SEMA3A: variants seen among roughly 807,000 people sequenced by gnomAD.
SEMA3A encodes semaphorin 3A, also known as semaphorin-3A.
In SEMA3A, 29 loss-of-function variants were observed where a neutral mutation model predicts 97.9. That is an observed-to-expected ratio of 0.30 (90% CI 0.22 to 0.40). The LOEUF (loss-of-function observed/expected upper bound fraction) is 0.40. Ranked by LOEUF, SEMA3A falls within the 10% of genes least tolerant of loss-of-function variation. SEMA3A has a pLI of 1.00. For missense variants in SEMA3A, 763 were observed against 951.3 expected, an observed-to-expected ratio of 0.80 and a Z score of 2.60; for synonymous variants, 321 against 323.7, an observed-to-expected ratio of 0.99 and a Z score of 0.09.
chr7:84,309,797 C>T (rs988189165), intron 2 of SEMA3A, among the ~76,000 whole-genome samples: 2 of 152,048 alleles, frequency 1.3e-5, no homozygotes, highest in Non-Finnish European at 2.9e-5. Flanking sequence ...TTTTCTAAAT[C>T]GACAGAGCAA....
chr7:84,488,673 G>A (rs1007722965), intron 1 of SEMA3A, among the ~76,000 whole-genome samples: 38 of 152,190 alleles, frequency 2.5e-4, no homozygotes, highest in African/African-American at 8.4e-4. Context: ...TGAAGGGTCA[G>A]CTCTTCCTCA....
intron 4 of SEMA3A, among the ~76,000 whole-genome samples, chr7:84,080,051 T>C (rs1035465776): frequency 2.1e-5 from 3 of 143,248 alleles, no homozygotes; most frequent in Non-Finnish European, 4.5e-5. Context: ...ATGTCCTTTG[T>C]AGGGACATGG....
At chr7:83,995,203 T>G (rs1198213879) in intron 12 of SEMA3A, among the ~76,000 whole-genome samples, 1 of 152,114 alleles carries the variant, frequency 6.6e-6, no homozygotes, top group Admixed American at 6.5e-5. Context: ...CCCACTGACC[T>G]GCACCCACTG....
intron 11 of SEMA3A, among the ~76,000 whole-genome samples, chr7:84,003,998 A>G (rs753738522): frequency 2.0e-5 from 3 of 152,128 alleles, no homozygotes; most frequent in Non-Finnish European, 2.9e-5. Flanking sequence ...CAATTTTGTT[A>G]TAAAACTTTA....
chr7:84,191,979 T>C (rs1798054772), intron 1 of SEMA3A, among the ~76,000 whole-genome samples: 1 of 151,926 alleles, frequency 6.6e-6, no homozygotes, highest in African/African-American at 2.4e-5. Context: ...TCAAGTCTCT[T>C]TCATCTCCTA....
Position 84,030,707 on chromosome 7 carries a change from C to A in SEMA3A, c.667+15617G>T, listed in dbSNP as rs575995639. On this transcript the variant is annotated intron_variant, in intron 6 of 16. Coordinates refer to ENST00000265362, the MANE Select transcript of SEMA3A (RefSeq NM_006080.3). ...AATAACAGATTCCTTGAATTAATAA[C>A]GTATTTTTATCCATTAAGAACTTTA... Among the ~76,000 whole-genome samples, 3 of 152,182 alleles carry A rather than the reference C, an allele frequency of 2.0e-5. No individual in the cohort carries two copies. In the East Asian group the frequency reaches 5.8e-4, roughly 29 times the overall value.
At chr7:84,386,241 C>T (rs912699920) in intron 1 of SEMA3A, among the ~76,000 whole-genome samples, 5 of 152,148 alleles carry the variant, frequency 3.3e-5, no homozygotes, top group African/African-American at 4.8e-5. Context: ...TCTCAGTGCT[C>T]AATGCAACAA....
chr7:84,375,358 G>A (rs1366998470), intron 1 of SEMA3A, among the ~76,000 whole-genome samples: 1 of 152,008 alleles, frequency 6.6e-6, no homozygotes, highest in Non-Finnish European at 1.5e-5. Flanking sequence ...AGTGCGCAAA[G>A]TACCAAGCTC....
At chr7:84,430,731 TGAA>T (rs1216183513) in intron 1 of SEMA3A, among the ~76,000 whole-genome samples, 3 of 151,778 alleles carry the variant, frequency 2.0e-5, no homozygotes, top group African/African-American at 4.8e-5. Context: ...AAGTTCAAGG[TGAA>T]GAAGAATTGT....
chr7:84,381,005 T>C (rs1264779348), intron 1 of SEMA3A, among the ~76,000 whole-genome samples: 1 of 152,224 alleles, frequency 6.6e-6, no homozygotes, highest in East Asian at 1.9e-4. Flanking sequence ...TTTTGCCATG[T>C]AAGGCAACAT....
rs1417310890 is a variant in SEMA3A at position 83,960,383 on chromosome 7, TTC to T, written c.*986_*987del. The T allele has an allele frequency of 2.0e-5, 3 of 152,104 alleles. No individual in the cohort carries two copies. Among genetic ancestry groups the T allele is most frequent in the African/African-American group, 7.2e-5 (3 of 41,448 alleles). 9.4% of individuals were successfully genotyped at this position (152,104 alleles called of 1,614,324 possible). A position where few individuals can be genotyped will look rare whatever the true frequency, so the allele number is the denominator to read the frequency against. On this transcript the variant is annotated 3_prime_UTR_variant, in exon 17 of 17. Coordinates refer to ENST00000265362, the MANE Select transcript of SEMA3A (RefSeq NM_006080.3). The stretch of plus-strand genomic sequence containing the variant: ...TTCTTCCTTTTTTCCTGCTTAAATG[TTC>T]TGTTTTTTTTTCTAAGAACATTATG...
chr7:84,002,479 A>G (rs1790500222), intron 11 of SEMA3A, among the ~76,000 whole-genome samples: 1 of 152,182 alleles, frequency 6.6e-6, no homozygotes, highest in Non-Finnish European at 1.5e-5. Context: ...TTCCACTTTT[A>G]TTACAAAATC....
intron 3 of SEMA3A, among the ~76,000 whole-genome samples, chr7:84,125,731 G>C (rs1795773803): frequency 6.6e-6 from 1 of 152,170 alleles, no homozygotes; most frequent in African/African-American, 2.4e-5. Context: ...GAGGGAGAGA[G>C]AGGAGAAAGT....
intron 3 of SEMA3A, among the ~76,000 whole-genome samples, chr7:84,281,088 T>C (rs1191198184): frequency 6.6e-6 from 1 of 152,198 alleles, no homozygotes; most frequent in Non-Finnish European, 1.5e-5. Flanking sequence ...TGTTAGAAAC[T>C]GGATGCCACA....
At chr7:84,421,929 T>C (rs1804606770) in intron 1 of SEMA3A, among the ~76,000 whole-genome samples, 3 of 152,126 alleles carry the variant, frequency 2.0e-5, no homozygotes, top group Admixed American at 2.0e-4. Flanking sequence ...CAGTATTTTA[T>C]TGAGGATTTT....
At chr7:84,233,851 G>T (rs1799171883) in intron 3 of SEMA3A, among the ~76,000 whole-genome samples, 1 of 151,938 alleles carries the variant, frequency 6.6e-6, no homozygotes, top group Non-Finnish European at 1.5e-5. Context: ...AGTGCTTTTG[G>T]TGAAGCGTAG....
At chr7:84,271,435 T>C (rs949849627) in intron 3 of SEMA3A, among the ~76,000 whole-genome samples, 3 of 152,278 alleles carry the variant, frequency 2.0e-5, no homozygotes, top group East Asian at 1.9e-4. Context: ...AGTGGCTCTG[T>C]AGTTTTCAAC....
intron 4 of SEMA3A, among the ~76,000 whole-genome samples, chr7:84,066,278 A>G (rs1296903570): frequency 6.6e-6 from 1 of 152,130 alleles, no homozygotes; most frequent in African/African-American, 2.4e-5. Flanking sequence ...TTTCAAAATA[A>G]TAAGAGCTAT....
intron 4 of SEMA3A, among the ~76,000 whole-genome samples, chr7:84,067,151 G>A (rs1793540730): frequency 6.6e-6 from 1 of 152,154 alleles, no homozygotes; most frequent in Non-Finnish European, 1.5e-5. Context: ...TGACAAACCT[G>A]AGAAAAACAA....
Sources: allele counts gnomAD v4.1 joint callset (sites outside exome capture counted in the v4.1 genomes callset), GRCh38; gene constraint gnomAD v4.1.1; transcripts MANE v1.5; gene names NCBI Gene and HGNC (gene_info 2026-07-23, HGNC 2026-07-21).